The following PDZD2 variants were observed in gnomAD, a reference collection of about 807,000 sequenced individuals.
The protein encoded by PDZD2 is PDZ domain containing 2.
PDZD2 carries 90 observed loss-of-function variants against 220.7 expected under a neutral mutation model. The ratio of observed to expected loss-of-function variants is 0.41; its 90% CI spans 0.34 to 0.49. PDZD2 has a LOEUF of 0.49. Ranked by LOEUF, PDZD2 falls within the 20% of genes least tolerant of loss-of-function variation. PDZD2 has a pLI of 0.28. For missense variants in PDZD2, 3,174 were observed against 3,608.5 expected (o/e 0.88, Z 3.08); for synonymous variants, 1,375 against 1,450.5 (o/e 0.95, Z 1.18).
chr5:31,775,986 CAG>C (rs1752623142), intron 1 of PDZD2, among the ~76,000 whole-genome samples: 1 of 152,028 alleles, frequency 6.6e-6, no homozygotes, highest in Non-Finnish European at 1.5e-5. Flanking sequence ...TCCACTGTCA[CAG>C]TAAGAAGGAA....
chr5:32,055,321 C>A (rs1738995188), intron 10 of PDZD2, among the ~76,000 whole-genome samples: 1 of 152,208 alleles, frequency 6.6e-6, no homozygotes, highest in South Asian at 2.1e-4. Flanking sequence ...CCTGCCTAAG[C>A]TTCCCAAGTA....
rs1745134132 is a variant in PDZD2 at position 32,109,298 on chromosome 5, T to C, written c.*1163T>C. On this transcript the variant is annotated 3_prime_UTR_variant, in exon 25 of 25. Transcript: ENST00000438447. ...TGACCTAGTATAATGACAACTGCAG[T>C]GACTTAAGTTTTTGCTGTTTTCGTT... is the stretch of plus-strand genomic sequence containing the variant. The C allele has an allele frequency of 6.6e-6, 1 of 152,050 alleles. No individual in the cohort carries two copies. The highest frequency in any genetic ancestry group is 6.5e-5 in the Admixed American group (1 of 15,278). 9.4% of individuals were successfully genotyped at this position (152,050 alleles called of 1,614,324 possible). A position where few individuals can be genotyped will look rare whatever the true frequency, so the allele number is the denominator to read the frequency against.
At chr5:32,080,323 G>A (rs1272655911) in intron 19 of PDZD2, among the ~76,000 whole-genome samples, 1 of 140,946 alleles carries the variant, frequency 7.1e-6, no homozygotes, top group Admixed American at 7.3e-5. Context: ...ACTCCAGCCT[G>A]GGCAACAGAG....
rs1410379609 is a variant in PDZD2 at position 31,976,470 on chromosome 5, T to TGTCCTATAAACTCA, written c.477-6683_477-6670dup. ...CAAGGTGACTATTAGCAGCTAGTAC[T>TGTCCTATAAACTCA]GTCCTATAAACTCAGACCCTGTCAT... is the stretch of plus-strand genomic sequence containing the variant. On this transcript the variant is annotated intron_variant, in intron 2 of 24. Coordinates refer to ENST00000438447, the MANE Select transcript of PDZD2 (RefSeq NM_178140.4). Among the ~76,000 whole-genome samples the TGTCCTATAAACTCA allele has an allele frequency of 2.6e-5, 4 of 152,184 alleles. No homozygotes were observed. The East Asian group carries it at 7.7e-4, about 29-fold the overall frequency.
intron 2 of PDZD2, among the ~76,000 whole-genome samples, chr5:31,892,109 A>C (rs1006008213): frequency 6.6e-6 from 1 of 151,666 alleles, no homozygotes; most frequent in African/African-American, 2.4e-5. Context: ...ATGTCTCATA[A>C]TGATGCCCAG....
rs1750838198 is a variant in PDZD2, at chr5:31,749,868, C to T, written c.-360-49021C>T. Among the ~76,000 whole-genome samples, 3 of 152,216 alleles carry T rather than the reference C, an allele frequency of 2.0e-5. No individual in the cohort carries two copies. In the South Asian group the frequency reaches 6.2e-4, roughly 32 times the overall value. ...CCAGGTGAGCCGCGCGTGGCTTCCC[C>T]TTCCCGGTGAGGCTCTCAGTGGGGA... is the stretch of plus-strand genomic sequence containing the variant. On this transcript the variant is annotated intron_variant, in intron 1 of 24. Coordinates refer to ENST00000438447, the MANE Select transcript of PDZD2 (RefSeq NM_178140.4).
Position 32,109,163 on chromosome 5 carries a change from A to C in PDZD2, c.*1028A>C, listed in dbSNP as rs2111782519. The C allele has an allele frequency of 6.6e-6, 1 of 152,408 alleles. No individual in the cohort carries two copies. Among genetic ancestry groups the C allele is most frequent in the East Asian group, 1.9e-4 (1 of 5,190 alleles). The allele number at this position is 152,408 out of a possible 1,614,324, so 9.4% of individuals were successfully genotyped here. On this transcript the variant is annotated 3_prime_UTR_variant, in exon 25 of 25. Coordinates refer to ENST00000438447, the MANE Select transcript of PDZD2 (RefSeq NM_178140.4). ...TGGATTTATAGACAATGTATGTACA[A>C]TCCAAATAGAGGAGCTTAATGGAAT...
intron 2 of PDZD2, among the ~76,000 whole-genome samples, chr5:31,911,036 TTAATA>T (rs568380754): frequency 1.5e-4 from 23 of 152,316 alleles, no homozygotes; most frequent in African/African-American, 5.3e-4. Context: ...GTCATCCAAA[TTAATA>T]TAATTGAAAG....
chr5:32,027,567 A>G (rs770261655), intron 6 of PDZD2, among the ~76,000 whole-genome samples: 1 of 152,160 alleles, frequency 6.6e-6, no homozygotes, highest in Non-Finnish European at 1.5e-5. Context: ...GCTGCATCTG[A>G]CAACCTCTGA....
intron 1 of PDZD2, among the ~76,000 whole-genome samples, chr5:31,719,085 A>G (rs912860731): frequency 1.2e-4 from 18 of 152,158 alleles, no homozygotes; most frequent in African/African-American, 4.3e-4. Flanking sequence ...AGTTAGTTTC[A>G]ACATATGAAT....
intron 1 of PDZD2, among the ~76,000 whole-genome samples, chr5:31,761,895 G>A (rs974361197): frequency 2.0e-5 from 3 of 150,792 alleles, no homozygotes; most frequent in African/African-American, 7.3e-5. Flanking sequence ...TTGGCTCACA[G>A]TTCCGTAGGC....
At chr5:31,712,988 G>A (rs381638) in intron 1 of PDZD2, among the ~76,000 whole-genome samples, 57,637 of 152,078 alleles carry the variant, frequency 0.38, 11,497 homozygotes, top group East Asian at 0.6. Flanking sequence ...ATTCTGACCC[G>A]GTGATCTGCT....
intron 17 of PDZD2, among the ~76,000 whole-genome samples, chr5:32,073,524 A>G (rs1413231527): frequency 6.6e-6 from 1 of 151,130 alleles, no homozygotes; most frequent in Non-Finnish European, 1.5e-5. Context: ...GTGTTAGATA[A>G]TCATGGAGGT....
chr5:31,936,006 G>A, intron 2 of PDZD2: 2 of 714,734 alleles, frequency 2.8e-6, no homozygotes, highest in Non-Finnish European at 3.4e-6. Context: ...CACTGGCAGG[G>A]CAAGGATTGG....
At chr5:32,059,978 C>T (rs191105899) in intron 13 of PDZD2, among the ~76,000 whole-genome samples, 1 of 152,230 alleles carries the variant, frequency 6.6e-6, no homozygotes, top group East Asian at 1.9e-4. Flanking sequence ...TGAGTCAGTG[C>T]CCACCTAAAC....
chr5:31,799,752 A>T (rs978460966), intron 2 of PDZD2, 28 bp downstream of exon 2: 25 of 1,491,620 alleles, frequency 1.7e-5, no homozygotes, highest in Non-Finnish European at 2.2e-5. Context: ...CTGCTGGCAC[A>T]GGGGCTGGAC....
chr5:31,889,165 G>A (rs118106277), intron 2 of PDZD2, among the ~76,000 whole-genome samples: 1 of 152,304 alleles, frequency 6.6e-6, no homozygotes, highest in East Asian at 1.9e-4. Context: ...AGGCCACCCA[G>A]CCACTTGAAA....
chr5:32,107,382 C>G (rs1561620536), intron 24 of PDZD2: 1 of 151,628 alleles, frequency 6.6e-6, no homozygotes, highest in Non-Finnish European at 1.5e-5. Context: ...TGGCAAGACC[C>G]CATCTCTACC....
chr5:31,655,195 C>T (rs952093746), intron 1 of PDZD2, among the ~76,000 whole-genome samples: 2 of 152,146 alleles, frequency 1.3e-5, no homozygotes, highest in African/African-American at 4.8e-5. Flanking sequence ...TGTTTTGAGA[C>T]AGAGTCTCAC....
Sources: gnomAD v4.1 joint callset for allele counts (sites outside exome capture counted in the v4.1 genomes callset) on GRCh38, gnomAD v4.1.1 for gene constraint, MANE v1.5 for transcripts, NCBI Gene and HGNC (gene_info 2026-07-23, HGNC 2026-07-21) for gene names.